Variants in ADCK1 observed in about 807,000 individuals in gnomAD.
The protein encoded by ADCK1 is aarF domain-containing protein kinase 1.
A neutral mutation model predicts 52.3 loss-of-function variants in ADCK1; 41 were observed. The observed-to-expected ratio is 0.78, with a 90% confidence interval of 0.61 to 1.02. ADCK1 has a LOEUF of 1.02. Among genes scored for constraint, ADCK1 ranks in the 50% least tolerant of loss-of-function variants. The pLI is 0.00. For synonymous variants in ADCK1, 250 were observed against 274.6 expected, an observed-to-expected ratio of 0.91 and a Z score of 0.89; for missense variants, 658 against 679.5, an observed-to-expected ratio of 0.97 and a Z score of 0.35.
At chr14:77,901,037 T>C (rs2010591) in intron 6 of ADCK1, among the ~76,000 whole-genome samples, 128,211 of 149,808 alleles carry the variant, frequency 0.86, 55,063 homozygotes, top group Middle Eastern at 0.94. Context: ...GGCACTAGAG[T>C]TGGTGTTCTT....
chr14:77,804,160 T>C (rs1276167599), intron 1 of ADCK1, among the ~76,000 whole-genome samples: 3 of 152,128 alleles, frequency 2.0e-5, no homozygotes, highest in Non-Finnish European at 4.4e-5. Flanking sequence ...CTGTAAGGTA[T>C]GTACTGTTAG....
intron 3 of ADCK1, among the ~76,000 whole-genome samples, chr14:77,842,479 C>T (rs2082093531): frequency 1.4e-5 from 2 of 142,790 alleles, no homozygotes; most frequent in Admixed American, 7.3e-5. Context: ...TTCCTTCCTT[C>T]CTTCCTTCCT....
intron 3 of ADCK1, among the ~76,000 whole-genome samples, chr14:77,839,122 T>A (rs754824368): frequency 2.0e-5 from 3 of 151,948 alleles, no homozygotes; most frequent in Non-Finnish European, 4.4e-5. Flanking sequence ...CTAAAGGAGA[T>A]AAAATGTAGT....
chr14:77,934,182 C>A lies in ADCK1; in HGVS notation c.*791C>A, dbSNP rs146262527. Reference sequence around the variant, plus strand: ...CCATTAGGTCAGAGTGGACCTGAATCGAGTATTGGTGTGATCTTCTGCTTG... The same window carrying A: ...CCATTAGGTCAGAGTGGACCTGAATAGAGTATTGGTGTGATCTTCTGCTTG... On this transcript the variant is annotated 3_prime_UTR_variant, in exon 11 of 11. Coordinates refer to ENST00000238561, the MANE Select transcript of ADCK1 (RefSeq NM_020421.4). 1 of 152,038 alleles carries A rather than the reference C, an allele frequency of 6.6e-6. No homozygotes were observed. The highest frequency in any genetic ancestry group is 6.6e-5 in the Admixed American group (1 of 15,256). 9.4% of individuals were successfully genotyped at this position (152,038 alleles called of 1,614,324 possible).
intron 4 of ADCK1, among the ~76,000 whole-genome samples, chr14:77,880,038 C>G (rs1168588343): frequency 7.9e-5 from 12 of 152,214 alleles, no homozygotes. Flanking sequence ...TGACCTAGAG[C>G]CTGCACTGGA....
At chr14:77,876,806 C>T (rs78162402) in intron 4 of ADCK1, among the ~76,000 whole-genome samples, 1,718 of 152,322 alleles carry the variant, frequency 0.011, 31 homozygotes, top group African/African-American at 0.04. Context: ...TTCGTCTCCC[C>T]AGTAGATCCA....
At chr14:77,820,783 GAA>G (rs2081565738) in intron 2 of ADCK1, among the ~76,000 whole-genome samples, 1 of 151,722 alleles carries the variant, frequency 6.6e-6, no homozygotes, top group Non-Finnish European at 1.5e-5. Context: ...TTTTGAGACA[GAA>G]TCTTGCTCTG....
At chr14:77,910,764 G>A (rs1363848731) in intron 7 of ADCK1, among the ~76,000 whole-genome samples, 1 of 152,212 alleles carries the variant, frequency 6.6e-6, no homozygotes, top group Admixed American at 6.5e-5. Context: ...TGCTGTGCCT[G>A]GCCGGAGGGG....
chr14:77,924,329 A>C, intron 7 of ADCK1, 128 bp from the exon 8 acceptor site: 44 of 1,252,946 alleles, frequency 3.5e-5, no homozygotes, highest in Non-Finnish European at 4.4e-5. Flanking sequence ...CACTCCCACC[A>C]CAACCGCTCC....
chr14:77,805,513 C>CG (rs1404158136), intron 1 of ADCK1, among the ~76,000 whole-genome samples: 1 of 151,970 alleles, frequency 6.6e-6, no homozygotes, highest in Non-Finnish European at 1.5e-5. Flanking sequence ...CCACCTGCCT[C>CG]GGCCTCCTAA....
At chr14:77,837,508 AG>A (rs1566652164) in intron 3 of ADCK1, among the ~76,000 whole-genome samples, 1 of 152,230 alleles carries the variant, frequency 6.6e-6, no homozygotes, top group Non-Finnish European at 1.5e-5. Flanking sequence ...CACAGATTCC[AG>A]GGGTAGAACA....
intron 4 of ADCK1, among the ~76,000 whole-genome samples, chr14:77,880,590 G>A (rs1158626120): frequency 6.6e-6 from 1 of 152,234 alleles, no homozygotes; most frequent in East Asian, 1.9e-4. Context: ...CAGCTGTTGA[G>A]TGGGACAGAG....
chr14:77,810,592 A>G (rs2081319139), intron 1 of ADCK1, among the ~76,000 whole-genome samples: 2 of 146,496 alleles, frequency 1.4e-5, no homozygotes, highest in South Asian at 4.3e-4. Flanking sequence ...GTGCAGTGGC[A>G]CGATTTCAGC....
chr14:77,889,923 G>A (rs956538249), intron 5 of ADCK1, among the ~76,000 whole-genome samples: 1 of 149,260 alleles, frequency 6.7e-6, no homozygotes, highest in East Asian at 2.0e-4. Context: ...GAAGAAAGAA[G>A]GCAAGGAAAA....
chr14:77,826,577 T>C (rs1443581313), intron 3 of ADCK1, among the ~76,000 whole-genome samples: 3 of 152,182 alleles, frequency 2.0e-5, no homozygotes, highest in African/African-American at 7.2e-5. Flanking sequence ...AAGATGCTTA[T>C]AAACTGAGAT....
chr14:77,839,066 C>G (rs8018674), intron 3 of ADCK1, among the ~76,000 whole-genome samples: 1 of 152,018 alleles, frequency 6.6e-6, no homozygotes, highest in Non-Finnish European at 1.5e-5. Flanking sequence ...CAGGAAATCA[C>G]TGTGGGTCTA....
At chr14:77,886,144 G>T (rs2083142098) in intron 4 of ADCK1, among the ~76,000 whole-genome samples, 1 of 152,242 alleles carries the variant, frequency 6.6e-6, no homozygotes, top group South Asian at 2.1e-4. Context: ...GCAGCCCTGG[G>T]GTCTCTGCTG....
chr14:77,901,686 G>A (rs1230594661), intron 6 of ADCK1, among the ~76,000 whole-genome samples: 2 of 152,144 alleles, frequency 1.3e-5, no homozygotes. Context: ...CACCGCGGCC[G>A]GCCGGAGCTG....
At chr14:77,867,497 C>T (rs546474800) in intron 4 of ADCK1, among the ~76,000 whole-genome samples, 107 of 152,282 alleles carry the variant, frequency 7.0e-4, no homozygotes, top group African/African-American at 2.5e-3. Flanking sequence ...ATAATGCTGA[C>T]ATCAAAAGAA....
Sources: allele counts gnomAD v4.1 joint callset (sites outside exome capture counted in the v4.1 genomes callset), GRCh38; gene constraint gnomAD v4.1.1; transcripts MANE v1.5; gene names NCBI Gene and HGNC (gene_info 2026-07-23, HGNC 2026-07-21).